Variants in PLCL2 observed in about 807,000 individuals in gnomAD.
PLCL2 encodes phospholipase C like 2, also known as inactive phospholipase C-like protein 2.
In PLCL2, 4 loss-of-function variants were observed where a neutral mutation model predicts 79.6. That is an observed-to-expected ratio of 0.05 (90% CI 0.02 to 0.11). PLCL2 has a LOEUF of 0.11. Ranked by LOEUF, PLCL2 falls within the 10% of genes least tolerant of loss-of-function variation. PLCL2 has a pLI of 1.00. For missense variants in PLCL2, 895 were observed against 1,291.0 expected, an observed-to-expected ratio of 0.69 and a Z score of 4.70; for synonymous variants, 484 against 457.7, an observed-to-expected ratio of 1.06 and a Z score of -0.73.
At chr3:17,067,833 C>T (rs1458294557) in intron 4 of PLCL2, 123 bp from the exon 5 acceptor site, 10 of 572,224 alleles carry the variant, frequency 1.7e-5, no homozygotes, top group South Asian at 4.8e-5. Flanking sequence ...TAAATGGACA[C>T]ATTTATGAAA....
chr3:16,921,895 A>C (rs1175916763), intron 1 of PLCL2, among the ~76,000 whole-genome samples: 1 of 152,196 alleles, frequency 6.6e-6, no homozygotes, highest in Non-Finnish European at 1.5e-5. Flanking sequence ...ATCTCATCCA[A>C]GAAACTGGAA....
At chr3:17,048,146 T>C (rs2064800831) in intron 4 of PLCL2, among the ~76,000 whole-genome samples, 1 of 151,430 alleles carries the variant, frequency 6.6e-6, no homozygotes, top group Non-Finnish European at 1.5e-5. Context: ...GGTTATCAGA[T>C]AAGTAAGCCA....
chr3:16,943,797 G>A (rs2063576992), intron 1 of PLCL2, among the ~76,000 whole-genome samples: 1 of 152,054 alleles, frequency 6.6e-6, no homozygotes, highest in Non-Finnish European at 1.5e-5. Flanking sequence ...CTATGTTTAG[G>A]TTGTTTCTAT....
At chr3:16,935,171 T>G (rs989393385) in intron 1 of PLCL2, among the ~76,000 whole-genome samples, 2 of 152,188 alleles carry the variant, frequency 1.3e-5, no homozygotes, top group African/African-American at 2.4e-5. Flanking sequence ...AAAGTTGAAG[T>G]TTTTTTCATG....
At chr3:16,954,811 T>C (rs1189319490) in intron 1 of PLCL2, among the ~76,000 whole-genome samples, 1 of 152,248 alleles carries the variant, frequency 6.6e-6, no homozygotes, top group Non-Finnish European at 1.5e-5. Context: ...GTTTTTTGGC[T>C]GCATAAATGT....
chr3:16,958,389 T>C (rs1448396743), intron 1 of PLCL2, among the ~76,000 whole-genome samples: 1 of 152,248 alleles, frequency 6.6e-6, no homozygotes, highest in East Asian at 1.9e-4. Flanking sequence ...CTCATTTTAT[T>C]TCTGGTATCT....
chr3:17,043,523 A>G (rs768635847), intron 4 of PLCL2, among the ~76,000 whole-genome samples: 3 of 152,192 alleles, frequency 2.0e-5, no homozygotes, highest in Non-Finnish European at 4.4e-5. Flanking sequence ...AAAATTCAGT[A>G]TTCTGCATTG....
chr3:17,024,860 G>C (rs1408685612), intron 3 of PLCL2, among the ~76,000 whole-genome samples: 1 of 152,210 alleles, frequency 6.6e-6, no homozygotes, highest in African/African-American at 2.4e-5. Flanking sequence ...TGTGGGCACA[G>C]AGGCGGCTGT....
intron 3 of PLCL2, 108 bp from the exon 4 acceptor site, chr3:17,042,766 G>A (rs540229221): frequency 3.4e-5 from 25 of 744,480 alleles, no homozygotes; most frequent in South Asian, 7.9e-5. Flanking sequence ...ATAAAAAAGC[G>A]TTTAATATCA....
At chr3:17,053,720 G>A (rs1275589015) in intron 4 of PLCL2, among the ~76,000 whole-genome samples, 3 of 152,194 alleles carry the variant, frequency 2.0e-5, no homozygotes, top group African/African-American at 7.2e-5. Context: ...AAATAATCCC[G>A]TTTCGAAAGG....
At chr3:16,904,686 A>G (rs533531024) in intron 1 of PLCL2, among the ~76,000 whole-genome samples, 1 of 152,256 alleles carries the variant, frequency 6.6e-6, no homozygotes, top group African/African-American at 2.4e-5. Context: ...TTCATCTTGA[A>G]TTGTAGTTCC....
At chr3:17,003,704 T>C (rs1238909467) in intron 1 of PLCL2, among the ~76,000 whole-genome samples, 1 of 152,170 alleles carries the variant, frequency 6.6e-6, no homozygotes, top group East Asian at 1.9e-4. Flanking sequence ...TGTTTAGAAT[T>C]TGGGCAGGTG....
At chr3:17,083,390 A>T (rs2065183693) in intron 5 of PLCL2, among the ~76,000 whole-genome samples, 1 of 152,166 alleles carries the variant, frequency 6.6e-6, no homozygotes, top group Non-Finnish European at 1.5e-5. Context: ...GGTTTGAGGA[A>T]CATTTAGGAG....
chr3:16,968,703 G>A (rs753695990), intron 1 of PLCL2, among the ~76,000 whole-genome samples: 13 of 152,016 alleles, frequency 8.6e-5, no homozygotes, highest in Non-Finnish European at 1.8e-4. Context: ...GTATAGAATC[G>A]TATGTCTGCA....
intron 1 of PLCL2, among the ~76,000 whole-genome samples, chr3:16,973,355 C>CT (rs57892589): frequency 0.34 from 47,372 of 137,612 alleles, 7,983 homozygotes; most frequent in African/African-American, 0.41. Flanking sequence ...CTGCCTTTAA[C>CT]TTTTTTTTTT....
intron 1 of PLCL2, among the ~76,000 whole-genome samples, chr3:16,991,058 C>G (rs556612905): frequency 6.6e-6 from 1 of 152,200 alleles, no homozygotes; most frequent in Non-Finnish European, 1.5e-5. Flanking sequence ...GAGGGAACCA[C>G]CCATTCCCCG....
At chr3:16,988,161 G>A (rs2064069198) in intron 1 of PLCL2, among the ~76,000 whole-genome samples, 1 of 152,142 alleles carries the variant, frequency 6.6e-6, no homozygotes, top group Admixed American at 6.6e-5. Context: ...CTGCACAACT[G>A]TATTGGAATT....
At chr3:17,086,287 G>C (rs1333118975) in intron 5 of PLCL2, among the ~76,000 whole-genome samples, 1 of 152,138 alleles carries the variant, frequency 6.6e-6, no homozygotes, top group East Asian at 1.9e-4. Flanking sequence ...CCCACACAAA[G>C]CAGTTACTCA....
At chr3:16,962,144 G>A (rs1403546372) in intron 1 of PLCL2, among the ~76,000 whole-genome samples, 1 of 152,156 alleles carries the variant, frequency 6.6e-6, no homozygotes, top group African/African-American at 2.4e-5. Flanking sequence ...TCCTCTTATG[G>A]CAGTACATAT....
Sources: allele counts gnomAD v4.1 joint callset (sites outside exome capture counted in the v4.1 genomes callset), GRCh38; gene constraint gnomAD v4.1.1; transcripts MANE v1.5; gene names NCBI Gene and HGNC (gene_info 2026-07-23, HGNC 2026-07-21).